Variants in ERCC4 observed in about 807,000 individuals in gnomAD.
ERCC4 encodes ERCC excision repair 4, endonuclease catalytic subunit, also known as DNA repair endonuclease XPF.
In ERCC4, 65 loss-of-function variants were observed where a neutral mutation model predicts 76.9. That is an observed-to-expected ratio of 0.84 (90% CI 0.69 to 1.04). The LOEUF is 1.04. ERCC4 is among the 50% of genes least tolerant of loss of function. ERCC4 has a pLI of 0.00. For missense variants in ERCC4, 1,214 were observed against 1,128.2 expected (o/e 1.08, Z -1.09); for synonymous variants, 463 against 410.1 (o/e 1.13, Z -1.56).
At chr16:13,934,392 GC>G in intron 7 of ERCC4, 90 bp downstream of exon 7, 1 of 847,704 alleles carries the variant, frequency 1.2e-6, no homozygotes, top group Non-Finnish European at 2.0e-6. Context: ...TTCAAGACTA[GC>G]CTGACCAACA....
rs62035727 is a variant in ERCC4, at chr16:13,924,715, T to C, written c.389-1846T>C. Among the ~76,000 whole-genome samples the C allele has an allele frequency of 4.2e-3, 641 of 152,302 alleles. 6 individuals carry two copies. Among genetic ancestry groups the C allele is most frequent in the Non-Finnish European group, 5.2e-3 (356 of 68,020 alleles). On this transcript the variant is annotated intron_variant, in intron 2 of 10. Coordinates refer to ENST00000311895, the MANE Select transcript of ERCC4 (RefSeq NM_005236.3). Reference sequence around the variant, plus strand: ...TAAAGATAGTACCTTCCTCCTAGGATTGTCAGGGTGAAATGAAATGCTTAT... The same window carrying C: ...TAAAGATAGTACCTTCCTCCTAGGACTGTCAGGGTGAAATGAAATGCTTAT...
chr16:13,933,045 CAAAAAAAAAAAA>C, intron 6 of ERCC4: 2 of 215,846 alleles, frequency 9.3e-6, no homozygotes, highest in African/African-American at 5.4e-5. Context: ...GACTCGGTCT[CAAAAAAAAAAAA>C]AAAAAAAAAA....
intron 9 of ERCC4, chr16:13,944,060 G>A (rs1030901937): frequency 3.3e-5 from 5 of 153,812 alleles, no homozygotes; most frequent in African/African-American, 1.2e-4. Context: ...GCACCACGCA[G>A]GAACACTCCA....
chr16:13,946,981 C>G (rs1208075040), intron 10 of ERCC4, among the ~76,000 whole-genome samples: 1 of 152,268 alleles, frequency 6.6e-6, no homozygotes, highest in African/African-American at 2.4e-5. Context: ...AGGATGGTCT[C>G]AAACTCCTTT....
chr16:13,928,272 G>C, intron 4 of ERCC4, 37 bp downstream of exon 4: 1 of 1,392,368 alleles, frequency 7.2e-7, no homozygotes, highest in Non-Finnish European at 1.0e-6. Flanking sequence ...TTATTATGTT[G>C]TAATTTTAAA....
rs1281662492 is a variant in ERCC4 at position 13,921,748 on chromosome 16, C to G, written c.208-283C>G. 2.0e-5 allele frequency among the ~76,000 whole-genome samples: 3 copies of G among 152,142 alleles called. No individual in the cohort carries two copies. In the East Asian group the frequency reaches 5.8e-4, roughly 29 times the overall value. ...GGTAGCAGAAATCTTTTAATCCAGG[C>G]TTTTAAAAGTTTGAGGTTTTGTATG... On this transcript the variant is annotated intron_variant, in intron 1 of 10. Transcript: ENST00000311895.
chr16:13,938,937 C>T (rs572984665), intron 9 of ERCC4, among the ~76,000 whole-genome samples: 11 of 152,266 alleles, frequency 7.2e-5, no homozygotes, highest in Non-Finnish European at 1.2e-4. Context: ...GGTGCATGGG[C>T]GGTCCCCTCT....
chr16:13,941,545 G>A (rs900892529), intron 9 of ERCC4, among the ~76,000 whole-genome samples: 2 of 152,168 alleles, frequency 1.3e-5, no homozygotes, highest in Admixed American at 1.3e-4. Context: ...AGCAGTTGTG[G>A]CTCTTTAACC....
intron 10 of ERCC4, among the ~76,000 whole-genome samples, chr16:13,946,192 A>C (rs1391738960): frequency 6.6e-6 from 1 of 152,192 alleles, no homozygotes; most frequent in Non-Finnish European, 1.5e-5. Flanking sequence ...CCTTCAGCCT[A>C]CCTAGATAAG....
At chr16:13,937,086 AT>A (rs71150154) in intron 8 of ERCC4, among the ~76,000 whole-genome samples, 14,149 of 128,620 alleles carry the variant, frequency 0.11, 1,836 homozygotes, top group African/African-American at 0.33. Context: ...TGCTCAACTA[AT>A]TTTTTTTTTT....
chr16:13,950,271 T>C lies in ERCC4; in HGVS notation c.*1924T>C, dbSNP rs2032606341. ...CCACCGCACCCACCCAACAAAATTA[T>C]TTTTAACTGTCGTTTCTGAACTGAA... On this transcript the variant is annotated 3_prime_UTR_variant, in exon 11 of 11. Coordinates refer to ENST00000311895, the MANE Select transcript of ERCC4 (RefSeq NM_005236.3). 1 of 190,482 alleles carries C rather than the reference T, an allele frequency of 5.2e-6. No homozygotes were observed. The highest frequency in any genetic ancestry group is 2.3e-5 in the African/African-American group (1 of 42,974). 11.8% of individuals were successfully genotyped at this position (190,482 alleles called of 1,614,324 possible).
chr16:13,937,969 G>A (rs2032337059), intron 9 of ERCC4, 111 bp downstream of exon 9: 2 of 740,128 alleles, frequency 2.7e-6, no homozygotes, highest in African/African-American at 1.7e-5. Context: ...ACGTTGGAGA[G>A]GATCACATTG....
At chr16:13,932,741 A>C (rs1056815918) in intron 6 of ERCC4, 35 of 200,212 alleles carry the variant, frequency 1.7e-4, no homozygotes, top group African/African-American at 8.1e-4. Flanking sequence ...GCAAGACTCC[A>C]TCTCTACAAA....
intron 9 of ERCC4, among the ~76,000 whole-genome samples, chr16:13,941,697 A>G (rs1184307862): frequency 6.6e-6 from 1 of 152,188 alleles, no homozygotes; most frequent in African/African-American, 2.4e-5. Context: ...AGGGACGTAA[A>G]ATGCTCCCTG....
At chr16:13,932,070 T>G in intron 5 of ERCC4, 87 bp from the exon 6 acceptor site, 3 of 1,122,448 alleles carry the variant, frequency 2.7e-6, no homozygotes, top group Non-Finnish European at 4.1e-6. Context: ...TGACAGCCAG[T>G]TACGTATGTA....
intron 6 of ERCC4, chr16:13,932,882 T>TA (rs2032208572): frequency 9.3e-6 from 2 of 215,352 alleles, no homozygotes; most frequent in Admixed American, 5.6e-5. Context: ...CCGTCTCTAT[T>TA]AAAAATACCA....
chr16:13,931,077 G>A (rs770010757), intron 5 of ERCC4, 187 bp downstream of exon 5: 47 of 611,570 alleles, frequency 7.7e-5, no homozygotes, highest in Non-Finnish European at 1.2e-4. Context: ...CCTACTTAAC[G>A]TCTGTTCTGT....
At chr16:13,924,546 A>T (rs1177624611) in intron 2 of ERCC4, among the ~76,000 whole-genome samples, 1 of 152,236 alleles carries the variant, frequency 6.6e-6, no homozygotes, top group Non-Finnish European at 1.5e-5. Flanking sequence ...TGCTGAAGAT[A>T]GACAGATGAA....
intron 9 of ERCC4, among the ~76,000 whole-genome samples, chr16:13,940,026 A>T (rs1404760176): frequency 6.6e-6 from 1 of 152,218 alleles, no homozygotes; most frequent in African/African-American, 2.4e-5. Context: ...AGGCTCGATG[A>T]TTCACTAGAA....
Sources: gnomAD v4.1 joint callset for allele counts (sites outside exome capture counted in the v4.1 genomes callset) on GRCh38, gnomAD v4.1.1 for gene constraint, MANE v1.5 for transcripts, NCBI Gene and HGNC (gene_info 2026-07-23, HGNC 2026-07-21) for gene names.